The following ESRP1 variants were observed in gnomAD, a reference collection of about 807,000 sequenced individuals.
ESRP1 encodes epithelial splicing regulatory protein 1, also known as RNA-binding motif protein 35A.
In ESRP1, 33 loss-of-function variants were observed where a neutral mutation model predicts 81.7. The ratio of observed to expected loss-of-function variants is 0.40; its 90% CI spans 0.31 to 0.54. The LOEUF is 0.54. ESRP1 is among the 20% of genes least tolerant of loss of function. The pLI is 0.41. For synonymous variants in ESRP1, 320 were observed against 303.3 expected, an observed-to-expected ratio of 1.06 and a Z score of -0.57; for missense variants, 672 against 833.1, an observed-to-expected ratio of 0.81 and a Z score of 2.38.
chr8:94,673,550 G>A (rs529974023), intron 11 of ESRP1, among the ~76,000 whole-genome samples: 49 of 152,246 alleles, frequency 3.2e-4, no homozygotes, highest in Non-Finnish European at 4.9e-4. Flanking sequence ...TAAAACATTC[G>A]TGCTCAATAA....
At chr8:94,705,836 G>A (rs1443584285) in intron 15 of ESRP1, 89 bp from the exon 16 acceptor site, 3 of 1,190,390 alleles carry the variant, frequency 2.5e-6, no homozygotes, top group Non-Finnish European at 3.5e-6. Context: ...AGTCCTTGTG[G>A]AATTTGAAAT....
chr8:94,644,730 C>T (rs983479537), intron 3 of ESRP1, among the ~76,000 whole-genome samples: 1 of 152,128 alleles, frequency 6.6e-6, no homozygotes, highest in Admixed American at 6.6e-5. Context: ...ACTTTTTCCT[C>T]AGCCACAGCT....
intron 15 of ESRP1, among the ~76,000 whole-genome samples, chr8:94,699,378 T>C (rs2130734531): frequency 6.6e-6 from 1 of 152,318 alleles, no homozygotes; most frequent in Admixed American, 6.5e-5. Flanking sequence ...CAGTGGCTCA[T>C]GCCTGTAATC....
rs1809115911 is a variant in ESRP1 at position 94,685,798 on chromosome 8, C to CGT, written c.1821-6879_1821-6878insGT. 5.3e-5 allele frequency among the ~76,000 whole-genome samples: 8 copies of CGT among 150,164 alleles called. No individual in the cohort carries two copies. The South Asian group carries it at 1.7e-3, about 32-fold the overall frequency. On this transcript the variant is annotated intron_variant, in intron 13 of 15. Coordinates refer to ENST00000433389, the MANE Select transcript of ESRP1 (RefSeq NM_017697.4). ...AGGGAGACAGTCTCAAAAAAAAAAA[C>CGT]CAACAAAAACAAAACAATGGGCTGG...
intron 15 of ESRP1, among the ~76,000 whole-genome samples, chr8:94,698,952 T>C (rs1809708419): frequency 6.6e-6 from 1 of 152,192 alleles, no homozygotes; most frequent in East Asian, 1.9e-4. Context: ...CACGTACGAA[T>C]GCTTTGCGGT....
chr8:94,701,456 C>T (rs569144715), intron 15 of ESRP1, among the ~76,000 whole-genome samples: 6 of 152,222 alleles, frequency 3.9e-5, no homozygotes, highest in Admixed American at 3.9e-4. Context: ...AGATATGCTT[C>T]ATTTAACCAT....
intron 13 of ESRP1, among the ~76,000 whole-genome samples, chr8:94,682,933 T>TATATATATATATA (rs1491122070): frequency 7.7e-4 from 13 of 16,964 alleles, no homozygotes; most frequent in African/African-American, 2.0e-3. Context: ...TATATATATA[T>TATATATATATATA]TTTTTTTTTT....
intron 11 of ESRP1, among the ~76,000 whole-genome samples, chr8:94,673,306 T>G (rs146285387): frequency 6.6e-6 from 1 of 152,350 alleles, no homozygotes; most frequent in East Asian, 1.9e-4. Flanking sequence ...CTTTGCCTCA[T>G]GTGACCTATT....
At chr8:94,702,049 G>T (rs1315157788) in intron 15 of ESRP1, among the ~76,000 whole-genome samples, 1 of 152,324 alleles carries the variant, frequency 6.6e-6, no homozygotes, top group East Asian at 1.9e-4. Context: ...CTGCCCTCCA[G>T]CCTGGACGAC....
At chr8:94,690,140 T>C (rs1809331939) in intron 13 of ESRP1, among the ~76,000 whole-genome samples, 1 of 149,290 alleles carries the variant, frequency 6.7e-6, no homozygotes. Flanking sequence ...TTTTTTTGTT[T>C]GTTTGTTTTT....
In ESRP1 at chr8:94,646,229, G is replaced by A. The variant is rs529786180; in HGVS notation, c.437G>A (p.Cys146Tyr). 4 of 1,612,822 alleles carry A rather than the reference G, an allele frequency of 2.5e-6. No homozygotes were observed. Among genetic ancestry groups the A allele is most frequent in the East Asian group, 2.2e-5 (1 of 44,782 alleles). ...GATCTTCGAAAAGAATTCAAGAAAT[G>A]TTGCCCTGGTTCACCTGATATTGAC... ...FFDLRKEFKK[C>Y]CPGSPDIDKL... Residue 146 changes from cysteine (C) to tyrosine (Y), a missense_variant, in exon 4 of 16, where the codon TGT (cysteine) becomes TAT (tyrosine). Transcript: ENST00000433389.
Position 94,668,035 on chromosome 8 carries a change from G to A in ESRP1, c.1018G>A (p.Glu340Lys), listed in dbSNP as rs767820185. ...MRGLPFTATA[E>K]EVVAFFGQHC... ...GGGGCTCCCTTTCACGGCCACAGCT[G>A]AAGAAGTGGTGGCCTTCTTTGGACA... The change falls in exon 10 of 16, where the codon GAA becomes AAA. Residue 340 changes from glutamate (E) to lysine (K), a missense_variant. Physicochemically the swap from Glu to Lys is moderately conservative, Grantham distance 56. Transcript: ENST00000433389. 3.1e-6 allele frequency: 5 copies of A among 1,613,874 alleles called. No individual in the cohort carries two copies. The African/African-American group carries it at 4.0e-5, about 13-fold the overall frequency.
intron 15 of ESRP1, among the ~76,000 whole-genome samples, chr8:94,701,088 C>T (rs558366748): frequency 3.2e-4 from 48 of 151,272 alleles, no homozygotes; most frequent in African/African-American, 9.7e-4. Flanking sequence ...GTCTGGCCAA[C>T]GTGGCGAAAC....
Position 94,646,201 on chromosome 8 carries a change from T to A in ESRP1, c.409T>A (p.Phe137Ile), listed in dbSNP as rs1442230718. Residue 137 changes from phenylalanine (F) to isoleucine (I), a missense_variant, in exon 4 of 16, where the codon TTT becomes ATT. Phe to Ile is a conservative substitution (Grantham distance 21, BLOSUM62 0). Coordinates refer to ENST00000433389, the MANE Select transcript of ESRP1 (RefSeq NM_017697.4). Reference sequence around the variant, plus strand: ...ATTACCTGAATGCTTCTATTCCTTTTTTGATCTTCGAAAAGAATTCAAGAA... The same window carrying A: ...ATTACCTGAATGCTTCTATTCCTTTATTGATCTTCGAAAAGAATTCAAGAA... ...VLLPECFYSF[F>I]DLRKEFKKCC... 2.5e-6 allele frequency: 4 copies of A among 1,612,316 alleles called. No homozygotes were observed. In the East Asian group the frequency reaches 8.9e-5, roughly 36 times the overall value.
At chr8:94,694,109 A>G (rs1023791093) in intron 14 of ESRP1, among the ~76,000 whole-genome samples, 1 of 152,230 alleles carries the variant, frequency 6.6e-6, no homozygotes, top group Admixed American at 6.5e-5. Flanking sequence ...CTTATTATGG[A>G]GAAAACATTT....
At chr8:94,644,203 T>G (rs1455632451) in intron 3 of ESRP1, among the ~76,000 whole-genome samples, 1 of 152,194 alleles carries the variant, frequency 6.6e-6, no homozygotes, top group Non-Finnish European at 1.5e-5. Flanking sequence ...ACCCACCCAG[T>G]GTAGCCAATC....
At position 94,682,921 on chromosome 8, in the gene ESRP1, TATATATATATA is replaced by T. The variant is rs559514402; in HGVS notation, c.1820+4551_1820+4561del. Among the ~76,000 whole-genome samples the T allele has an allele frequency of 5.2e-3, 177 of 34,170 alleles. 2 individuals carry two copies. Among genetic ancestry groups the T allele is most frequent in the African/African-American group, 0.026 (172 of 6,494 alleles). 22.4% of individuals were successfully genotyped at this position (34,170 alleles called of 152,430 possible). A position where few individuals can be genotyped will look rare whatever the true frequency, so the allele number is the denominator to read the frequency against. On this transcript the variant is annotated intron_variant, in intron 13 of 15. Coordinates refer to ENST00000433389, the MANE Select transcript of ESRP1 (RefSeq NM_017697.4). ...TCATTATTTTATATATATATATATATATATATATATATTTTTTTTTTTTTTTTTTTTTTTTT... is the reference window on the plus strand; with the variant it reads ...TCATTATTTTATATATATATATATATTTTTTTTTTTTTTTTTTTTTTTTTT...
At chr8:94,687,985 T>C (rs1445213188) in intron 13 of ESRP1, among the ~76,000 whole-genome samples, 2 of 152,206 alleles carry the variant, frequency 1.3e-5, no homozygotes, top group Non-Finnish European at 2.9e-5. Context: ...TTTACTACTA[T>C]GTTTTGTAAG....
In ESRP1 at chr8:94,642,103, G is replaced by A; in HGVS notation, c.261+19G>A. ...CCGACAGGTGACAACCCCGGGTCAC[G>A]CCACCCACCCCAGCCTGGGCCCAAC... On this transcript the variant is annotated intron_variant, in intron 2 of 15. Coordinates refer to ENST00000433389, the MANE Select transcript of ESRP1 (RefSeq NM_017697.4). 2 of 1,606,796 alleles carry A rather than the reference G, an allele frequency of 1.2e-6. No individual in the cohort carries two copies. The highest frequency in any genetic ancestry group is 1.7e-6 in the Non-Finnish European group (2 of 1,178,996).
Sources: allele counts gnomAD v4.1 joint callset (sites outside exome capture counted in the v4.1 genomes callset), GRCh38; gene constraint gnomAD v4.1.1; transcripts MANE v1.5; gene names NCBI Gene and HGNC (gene_info 2026-07-23, HGNC 2026-07-21).